The following LPAR1 variants were observed in gnomAD, a reference collection of about 807,000 sequenced individuals.
The protein encoded by LPAR1 is lysophosphatidic acid receptor 1.
Under a neutral mutation model 23.8 loss-of-function variants are expected in LPAR1, and 5 were observed. The ratio of observed to expected loss-of-function variants is 0.21; its 90% confidence interval spans 0.11 to 0.44. The LOEUF (loss-of-function observed/expected upper bound fraction) is 0.44, where lower values mean the gene tolerates loss of function less well. Among genes scored for constraint, LPAR1 ranks in the 20% least tolerant of loss-of-function variants. The pLI is 0.99. For synonymous variants in LPAR1, 160 were observed against 164.7 expected, an observed-to-expected ratio of 0.97 and a Z score of 0.22; for missense variants, 311 against 482.8, an observed-to-expected ratio of 0.64 and a Z score of 3.33.
At chr9:110,961,009 A>T (rs1054954515) in intron 4 of LPAR1, among the ~76,000 whole-genome samples, 13 of 152,196 alleles carry the variant, frequency 8.5e-5, no homozygotes, top group African/African-American at 2.9e-4. Flanking sequence ...TTCAATTTTT[A>T]AAATGGAATT....
chr9:111,035,967 T>C (rs1370121422), intron 2 of LPAR1, among the ~76,000 whole-genome samples, 155 bp downstream of exon 2: 1 of 152,234 alleles, frequency 6.6e-6, no homozygotes, highest in Non-Finnish European at 1.5e-5. Flanking sequence ...TTTTATTCTT[T>C]GAACGTTCCA....
upstream of LPAR1, chr9:111,038,741 G>A (rs900042243): frequency 7.1e-6 from 3 of 423,812 alleles, no homozygotes; most frequent in Admixed American, 7.7e-5. The surrounding 1 kb of genome is among the most constrained non-coding windows in gnomAD (Gnocchi z 4.4). Flanking sequence ...GGCCGGGGCT[G>A]GGGGGTGGCC....
chr9:110,960,424 T>C (rs535855480), intron 4 of LPAR1, among the ~76,000 whole-genome samples: 3 of 152,316 alleles, frequency 2.0e-5, no homozygotes, highest in East Asian at 3.9e-4. Context: ...AGAGAGACGA[T>C]AAGTATCAAT....
Position 110,885,969 on chromosome 9 carries a change from G to A in LPAR1, c.794-10247C>T, listed in dbSNP as rs547017546. Reference sequence around the variant, plus strand: ...TTCCAGCACTTTGGGAGGCTGAGGCGGGTGGATTGCCTGAGGTCAGGAGTT... The same window carrying A: ...TTCCAGCACTTTGGGAGGCTGAGGCAGGTGGATTGCCTGAGGTCAGGAGTT... On this transcript the variant is annotated intron_variant, in intron 5 of 5. Transcript: ENST00000683809. Among the ~76,000 whole-genome samples the A allele has an allele frequency of 3.0e-3, 451 of 151,064 alleles. 3 individuals carry two copies. Among genetic ancestry groups the A allele is most frequent in the African/African-American group, 0.01 (423 of 41,100 alleles).
At chr9:110,898,663 G>A (rs1163781867) in intron 5 of LPAR1, among the ~76,000 whole-genome samples, 15 of 152,130 alleles carry the variant, frequency 9.9e-5, no homozygotes, top group South Asian at 4.1e-4. Context: ...AACATGCAAC[G>A]GTTTGATCTT....
intron 2 of LPAR1, among the ~76,000 whole-genome samples, chr9:111,020,007 C>G (rs752559087): frequency 2.0e-5 from 3 of 152,134 alleles, no homozygotes; most frequent in African/African-American, 7.2e-5. Context: ...GCTCACACAG[C>G]CTTTCCTTGG....
chr9:111,014,973 T>G (rs529129781), intron 2 of LPAR1, among the ~76,000 whole-genome samples: 16 of 151,866 alleles, frequency 1.1e-4, no homozygotes, highest in African/African-American at 3.9e-4. Flanking sequence ...TAAGTTAGAA[T>G]GAGGTCATTA....
At chr9:110,908,998 G>T (rs2091927106) in intron 5 of LPAR1, among the ~76,000 whole-genome samples, 1 of 151,994 alleles carries the variant, frequency 6.6e-6, no homozygotes, top group Admixed American at 6.6e-5. Context: ...GGACCTTCAG[G>T]CCTCTCAAAA....
chr9:110,920,457 T>C (rs1054478999), intron 5 of LPAR1, among the ~76,000 whole-genome samples: 1 of 152,262 alleles, frequency 6.6e-6, no homozygotes, highest in African/African-American at 2.4e-5. Flanking sequence ...GTGATTTTTA[T>C]GCACTAATTA....
intron 5 of LPAR1, among the ~76,000 whole-genome samples, chr9:110,932,458 T>A (rs1158252339): frequency 1.3e-5 from 2 of 152,264 alleles, no homozygotes; most frequent in Non-Finnish European, 1.5e-5. Context: ...TCAGGTCTCA[T>A]GAACCCAGCC....
intron 2 of LPAR1, among the ~76,000 whole-genome samples, chr9:111,001,599 C>A (rs144017115): frequency 1.5e-3 from 234 of 152,298 alleles, no homozygotes; most frequent in African/African-American, 5.4e-3. Flanking sequence ...TCCAGATGGA[C>A]TAAAGGCCTG....
In LPAR1 at chr9:110,875,475, G is replaced by A. The variant is rs1450333382; in HGVS notation, c.1041C>T (p.Ser347=). Residue 347 remains serine, a synonymous_variant, in exon 6 of 6, where the codon TCC becomes TCT. Transcript: ENST00000683809. ...PTEGSDRSAS[S]LNHTILAGVH... is the part of the protein sequence containing the mutation. Reference sequence around the variant, plus strand: ...CTCCAGCCAAGATGGTGTGGTTGAGGGAGGAAGCCGAGCGGTCTGAGCCTT... The same window carrying A: ...CTCCAGCCAAGATGGTGTGGTTGAGAGAGGAAGCCGAGCGGTCTGAGCCTT... 1.2e-6 allele frequency: 2 copies of A among 1,613,954 alleles called. No individual in the cohort carries two copies. Among genetic ancestry groups the A allele is most frequent in the Admixed American group, 1.7e-5 (1 of 59,996 alleles).
intron 2 of LPAR1, among the ~76,000 whole-genome samples, chr9:110,974,177 T>C (rs1299840799): frequency 1.3e-5 from 2 of 151,680 alleles, no homozygotes; most frequent in South Asian, 2.1e-4. Flanking sequence ...AAAGTAAGGC[T>C]AAGCCAACCT....
At chr9:110,973,221 C>T (rs938795466) in intron 3 of LPAR1, among the ~76,000 whole-genome samples, 3 of 152,120 alleles carry the variant, frequency 2.0e-5, no homozygotes, top group African/African-American at 7.2e-5. Flanking sequence ...GAAAGTGAAG[C>T]TTCGGATAAA....
chr9:110,968,290 T>C (rs1353417838), intron 4 of LPAR1, among the ~76,000 whole-genome samples: 7 of 152,160 alleles, frequency 4.6e-5, no homozygotes, highest in Admixed American at 1.3e-4. Context: ...ATGAAGTCAA[T>C]TGGCTCGCGA....
chr9:110,953,747 C>G (rs1009388238), intron 4 of LPAR1, among the ~76,000 whole-genome samples: 1 of 151,896 alleles, frequency 6.6e-6, no homozygotes, highest in African/African-American at 2.4e-5. Flanking sequence ...TTCACATACT[C>G]AGAATCAAAG....
At chr9:110,998,943 A>G (rs774793138) in intron 2 of LPAR1, among the ~76,000 whole-genome samples, 1 of 152,178 alleles carries the variant, frequency 6.6e-6, no homozygotes, top group Non-Finnish European at 1.5e-5. Flanking sequence ...ATCATTTGGA[A>G]ATGGAACTTG....
chr9:111,022,062 T>C (rs1049612394), intron 2 of LPAR1, among the ~76,000 whole-genome samples: 1 of 150,630 alleles, frequency 6.6e-6, no homozygotes, highest in Non-Finnish European at 1.5e-5. Context: ...TTGCCCAATG[T>C]GAAGGAATTA....
chr9:110,908,169 G>C (rs999891815), intron 5 of LPAR1, among the ~76,000 whole-genome samples: 34 of 150,614 alleles, frequency 2.3e-4, no homozygotes, highest in Non-Finnish European at 3.8e-4. Context: ...ATTTAAACTA[G>C]GAACTAAAGT....
Sources: gnomAD v4.1 joint callset for allele counts (sites outside exome capture counted in the v4.1 genomes callset) on GRCh38, gnomAD v4.1.1 for gene constraint, Gnocchi (gnomAD v3.1) non-coding constraint, MANE v1.5 for transcripts, NCBI Gene and HGNC (gene_info 2026-07-23, HGNC 2026-07-21) for gene names.